Variants in DOP1B observed in about 807,000 individuals in gnomAD.
DOP1B encodes the protein DOP1 leucine zipper like protein B, also known as protein DOP1B.
Under a neutral mutation model 233.5 loss-of-function variants are expected in DOP1B, and 174 were observed. That is an observed-to-expected ratio of 0.75 (90% CI 0.66 to 0.85). DOP1B has a LOEUF of 0.85. Among genes scored for constraint, DOP1B ranks in the 40% least tolerant of loss-of-function variants. The pLI is 0.00. For missense variants in DOP1B, 2,652 were observed against 2,846.6 expected (o/e 0.93, Z 1.56); for synonymous variants, 1,190 against 1,185.6 (o/e 1.00, Z -0.08).
intron 32 of DOP1B, 27 bp from the exon 33 acceptor site, chr21:36,287,987 A>T (rs910125185): frequency 3.1e-6 from 5 of 1,604,976 alleles, no homozygotes; most frequent in Admixed American, 1.7e-5. Context: ...ATATTTGTGT[A>T]ACATCTTTAC....
chr21:36,207,956 A>G (rs954111824), intron 4 of DOP1B, among the ~76,000 whole-genome samples: 1 of 152,078 alleles, frequency 6.6e-6, no homozygotes, highest in African/African-American at 2.4e-5. Flanking sequence ...GGTCAGCGTC[A>G]GGGGAAAAAC....
intron 22 of DOP1B, among the ~76,000 whole-genome samples, chr21:36,251,759 G>A (rs1348667304): frequency 6.6e-6 from 1 of 152,208 alleles, no homozygotes; most frequent in Non-Finnish European, 1.5e-5. Context: ...ATATAGCTGT[G>A]TCTCAGTACA....
chr21:36,235,705 G>A (rs1310344502), intron 15 of DOP1B, among the ~76,000 whole-genome samples: 2 of 152,054 alleles, frequency 1.3e-5, no homozygotes, highest in East Asian at 3.9e-4. Context: ...TCCAGCCTGG[G>A]GCACATAGTG....
At chr21:36,292,273 G>GT (rs1569075433) in intron 36 of DOP1B, 40 bp downstream of exon 36, 2 of 1,384,566 alleles carry the variant, frequency 1.4e-6, no homozygotes, top group South Asian at 1.4e-5. Context: ...TTTTTTTTTG[G>GT]TGAGACAGAG....
intron 1 of DOP1B, among the ~76,000 whole-genome samples, chr21:36,163,344 CAA>C (rs762277927): frequency 3.7e-5 from 4 of 107,752 alleles, no homozygotes; most frequent in African/African-American, 3.4e-5. Flanking sequence ...GACTCTGTCT[CAA>C]AAAAAAAAAA....
At chr21:36,236,763 T>C (rs1384403989) in intron 15 of DOP1B, among the ~76,000 whole-genome samples, 2 of 120,738 alleles carry the variant, frequency 1.7e-5, no homozygotes, top group Non-Finnish European at 3.6e-5. Context: ...TTTTTCTTTT[T>C]TCTTTTTCTT....
At chr21:36,252,450 T>G (rs934217037) in intron 22 of DOP1B, among the ~76,000 whole-genome samples, 5 of 142,564 alleles carry the variant, frequency 3.5e-5, no homozygotes, top group African/African-American at 1.3e-4. Flanking sequence ...AGAGTGACAC[T>G]TCATGTAAAA....
chr21:36,277,926 G>A (rs201517724), intron 28 of DOP1B, 49 bp from the exon 29 acceptor site: 6 of 1,471,952 alleles, frequency 4.1e-6, no homozygotes, highest in Admixed American at 3.3e-5. Context: ...ACAGGTGTGA[G>A]CCGTCGCACC....
At chr21:36,174,158 C>A (rs538159269) in intron 2 of DOP1B, among the ~76,000 whole-genome samples, 1 of 152,240 alleles carries the variant, frequency 6.6e-6, no homozygotes, top group South Asian at 2.1e-4. Flanking sequence ...CTACTCCAGC[C>A]CTTTACAGAT....
rs375593206 is a variant in DOP1B, at chr21:36,289,100, T to A, written c.6409T>A (p.Ser2137Thr). The change falls in exon 35 of 37, where the codon TCA (serine) becomes ACA (threonine). Residue 2137 changes from serine to threonine, a missense_variant. Physicochemically the swap from Ser to Thr is moderately conservative, Grantham distance 58. Transcript: ENST00000691173. The stretch of plus-strand genomic sequence containing the variant: ...TTCAGTCCCGGATGCAAATGGACCC[T>A]CAGTGGGGGAGATACCCCAGAGTGA... The part of the protein sequence containing the change: ...KVSVPDANGP[S>T]VGEIPQSELI... 5 of 1,613,828 alleles carry A rather than the reference T, an allele frequency of 3.1e-6. No individual in the cohort carries two copies. The South Asian group carries it at 3.3e-5, about 11-fold the overall frequency.
chr21:36,264,448 T>C (rs1198938031), intron 26 of DOP1B, among the ~76,000 whole-genome samples: 1 of 151,734 alleles, frequency 6.6e-6, no homozygotes, highest in Non-Finnish European at 1.5e-5. Flanking sequence ...TCTCCATACA[T>C]GGATATTTCT....
chr21:36,238,205 TTTAAAAGAA>T (rs1345585583), intron 16 of DOP1B, among the ~76,000 whole-genome samples: 2 of 152,320 alleles, frequency 1.3e-5, no homozygotes, highest in East Asian at 3.9e-4. Context: ...AACCAATTTT[TTTAAAAGAA>T]TATATTTTAT....
At chr21:36,231,695 TG>T (rs1248882347) in intron 14 of DOP1B, among the ~76,000 whole-genome samples, 4 of 150,682 alleles carry the variant, frequency 2.7e-5, no homozygotes, top group South Asian at 2.1e-4. Context: ...TTTTTTTTTT[TG>T]AGACAGGGTC....
Position 36,273,760 on chromosome 21 carries a change from A to G in DOP1B, c.5633-3261A>G, listed in dbSNP as rs184815993. Among the ~76,000 whole-genome samples, 150 of 152,146 alleles carry G rather than the reference A, an allele frequency of 9.9e-4. 1 individual carries two copies. The South Asian group carries it at 0.015, about 15-fold the overall frequency. ...GAAAGGGTGGAGACTGATGAGACTG[A>G]TGGTTGTCGGGCTTGGTAGAAAGCA... On this transcript the variant is annotated intron_variant, in intron 27 of 36. Coordinates refer to ENST00000691173, the MANE Select transcript of DOP1B (RefSeq NM_001320714.2).
chr21:36,243,408 A>G (rs1227456578), intron 18 of DOP1B, among the ~76,000 whole-genome samples: 1 of 125,382 alleles, frequency 8.0e-6, no homozygotes, highest in Non-Finnish European at 1.7e-5. Flanking sequence ...TCAGTGGCCT[A>G]TTTGACTTCT....
In DOP1B at chr21:36,224,427, G is replaced by A. The variant is rs143707251; in HGVS notation, c.1370+1077G>A. Among the ~76,000 whole-genome samples, 259 of 151,690 alleles carry A rather than the reference G, an allele frequency of 1.7e-3. 1 individual carries two copies. Among genetic ancestry groups the A allele is most frequent in the Non-Finnish European group, 2.9e-3 (199 of 67,936 alleles). On this transcript the variant is annotated intron_variant, in intron 11 of 36. Coordinates refer to ENST00000691173, the MANE Select transcript of DOP1B (RefSeq NM_001320714.2). ...ACTCCTGACCTCAAGTGATCCACCCGCCTTGGCCTCCCAAATTGCTGGGAT... is the reference window on the plus strand; with the variant it reads ...ACTCCTGACCTCAAGTGATCCACCCACCTTGGCCTCCCAAATTGCTGGGAT...
intron 23 of DOP1B, among the ~76,000 whole-genome samples, chr21:36,256,994 C>T (rs1050970398): frequency 2.0e-5 from 3 of 152,136 alleles, no homozygotes; most frequent in Non-Finnish European, 2.9e-5. Flanking sequence ...ACTTCAGACA[C>T]CAGTCACAAG....
chr21:36,241,093 G>C (rs905065868), intron 18 of DOP1B, among the ~76,000 whole-genome samples: 1 of 152,064 alleles, frequency 6.6e-6, no homozygotes, highest in African/African-American at 2.4e-5. Flanking sequence ...AAGAGATCGA[G>C]ACCATCCTGG....
chr21:36,198,173 T>C (rs189928387), intron 2 of DOP1B, among the ~76,000 whole-genome samples: 88 of 152,222 alleles, frequency 5.8e-4, no homozygotes, highest in African/African-American at 2.0e-3. Context: ...ATCACATCTG[T>C]AATTTTAGCA....
Sources: gnomAD v4.1 joint callset for allele counts (sites outside exome capture counted in the v4.1 genomes callset) on GRCh38, gnomAD v4.1.1 for gene constraint, MANE v1.5 for transcripts, NCBI Gene and HGNC (gene_info 2026-07-23, HGNC 2026-07-21) for gene names.